Variants in ORC3 observed in about 807,000 individuals in gnomAD.
The protein encoded by ORC3 is homolog of latheo, Drosophila.
A neutral mutation model predicts 100.7 loss-of-function variants in ORC3; 78 were observed. The ratio of observed to expected loss-of-function variants is 0.77; its 90% CI spans 0.65 to 0.94. ORC3 has a LOEUF of 0.94. Ranked by LOEUF, ORC3 falls within the 40% of genes least tolerant of loss-of-function variation. The probability of loss-of-function intolerance (pLI) is 0.00; values close to 1 mark genes in which losing one functional copy is unlikely to be tolerated. For missense variants in ORC3, 789 were observed against 823.9 expected (o/e 0.96, Z 0.52); for synonymous variants, 295 against 289.3 (o/e 1.02, Z -0.20).
chr6:87,636,336 G>T, intron 12 of ORC3, 71 bp from the exon 13 acceptor site: 1 of 850,332 alleles, frequency 1.2e-6, no homozygotes, highest in Non-Finnish European at 2.0e-6. Context: ...GTGTTGACCA[G>T]AAATGATTTT....
intron 11 of ORC3, among the ~76,000 whole-genome samples, chr6:87,629,185 T>G (rs1780130927): frequency 1.3e-5 from 2 of 152,336 alleles, no homozygotes; most frequent in Middle Eastern, 3.4e-3. Context: ...GGCTTAGTTA[T>G]AACAAGATAA....
intron 5 of ORC3, among the ~76,000 whole-genome samples, chr6:87,606,388 G>C (rs1404172409): frequency 6.6e-6 from 1 of 152,072 alleles, no homozygotes; most frequent in Non-Finnish European, 1.5e-5. Context: ...TAGACCACAT[G>C]GGCTCATGTT....
At chr6:87,631,789 GC>G (rs1440160824) in intron 11 of ORC3, among the ~76,000 whole-genome samples, 2 of 152,136 alleles carry the variant, frequency 1.3e-5, no homozygotes, top group Non-Finnish European at 2.9e-5. Context: ...ACCCTGCCCG[GC>G]CCGAAAATTT....
chr6:87,607,056 T>A (rs1335141143), intron 5 of ORC3, among the ~76,000 whole-genome samples: 2 of 152,240 alleles, frequency 1.3e-5, no homozygotes, highest in African/African-American at 4.8e-5. Context: ...TTTATTTTCC[T>A]ATGTAATTTA....
intron 16 of ORC3, among the ~76,000 whole-genome samples, chr6:87,660,279 T>A (rs1770083234): frequency 6.6e-6 from 1 of 152,246 alleles, no homozygotes; most frequent in Non-Finnish European, 1.5e-5. Flanking sequence ...TAGGATTTAG[T>A]GTCTTTACCA....
intron 2 of ORC3, 95 bp from the exon 3 acceptor site, chr6:87,601,689 C>A: frequency 1.4e-6 from 1 of 691,384 alleles, no homozygotes; most frequent in Non-Finnish European, 2.5e-6. Context: ...AAAAAAATTT[C>A]ACTTCTGTCA....
chr6:87,621,951 T>C lies in ORC3; in HGVS notation c.1123T>C (p.Tyr375His). 1 of 1,600,922 alleles carries C rather than the reference T, an allele frequency of 6.2e-7. No individual in the cohort carries two copies. Among genetic ancestry groups the C allele is most frequent in the Non-Finnish European group, 8.5e-7 (1 of 1,169,976 alleles). Residue 375 changes from tyrosine (Y) to histidine (H), a missense_variant and splice_region_variant, in exon 11 of 20, where the codon TAC (tyrosine) becomes CAC (histidine). Transcript: ENST00000392844. ...TGTATGGAATGGTGAAAATTCTAGG[T>C]ACGTGGAAAAGCAAGCTTCAGAAAA... ...NIRRLPSFRR[Y>H]VEKQASEKQV...
chr6:87,656,043 C>G (rs935950212), intron 14 of ORC3, among the ~76,000 whole-genome samples: 1 of 152,128 alleles, frequency 6.6e-6, no homozygotes, highest in Admixed American at 6.5e-5. Context: ...AAAACCCAAC[C>G]TGCACTTGAA....
chr6:87,659,952 G>A (rs1458795379), intron 16 of ORC3, among the ~76,000 whole-genome samples: 2 of 151,118 alleles, frequency 1.3e-5, no homozygotes, highest in Non-Finnish European at 2.9e-5. Flanking sequence ...AGAACCCACA[G>A]AGTTAACCTT....
At chr6:87,629,003 C>T (rs999223727) in intron 11 of ORC3, among the ~76,000 whole-genome samples, 2 of 152,164 alleles carry the variant, frequency 1.3e-5, no homozygotes, top group African/African-American at 2.4e-5. Flanking sequence ...TTGATCTATA[C>T]TGCTGAGGTA....
chr6:87,635,449 A>G (rs1332651597), intron 12 of ORC3, among the ~76,000 whole-genome samples: 2 of 152,196 alleles, frequency 1.3e-5, no homozygotes, highest in South Asian at 2.1e-4. Context: ...GAGAAATTCT[A>G]TATTCCTAAA....
At chr6:87,591,415 A>G (rs1013838598) in intron 1 of ORC3, among the ~76,000 whole-genome samples, 2 of 152,236 alleles carry the variant, frequency 1.3e-5, no homozygotes, top group African/African-American at 4.8e-5. Context: ...TTTAAAGACT[A>G]CATCTCAAGG....
chr6:87,658,308 T>A (rs900849773), intron 16 of ORC3, among the ~76,000 whole-genome samples: 2 of 151,984 alleles, frequency 1.3e-5, no homozygotes, highest in African/African-American at 4.8e-5. Context: ...GTACAAAAAA[T>A]TAGCTGGGTG....
chr6:87,672,028 A>G (rs762462834), downstream of ORC3, among the ~76,000 whole-genome samples: 8 of 152,322 alleles, frequency 5.3e-5, no homozygotes, highest in Non-Finnish European at 8.8e-5. Flanking sequence ...CAACAAGACA[A>G]CAGGCCTAGT....
At chr6:87,606,699 C>CAGCTACATT (rs1683983679) in intron 5 of ORC3, among the ~76,000 whole-genome samples, 1 of 151,978 alleles carries the variant, frequency 6.6e-6, no homozygotes, top group African/African-American at 2.4e-5. Flanking sequence ...TCAGCTACAT[C>CAGCTACATT]AGCTACATTG....
intron 17 of ORC3, 113 bp from the exon 18 acceptor site, chr6:87,664,630 C>T: frequency 1.3e-6 from 1 of 786,938 alleles, no homozygotes; most frequent in South Asian, 1.6e-5. Flanking sequence ...ATAAGGGAAA[C>T]CAAGATTCCA....
chr6:87,647,039 G>C (rs1361704120), intron 13 of ORC3, among the ~76,000 whole-genome samples: 1 of 152,158 alleles, frequency 6.6e-6, no homozygotes, highest in Non-Finnish European at 1.5e-5. Flanking sequence ...TACCATCATA[G>C]TCTAAGTCAT....
intron 11 of ORC3, among the ~76,000 whole-genome samples, chr6:87,626,777 A>T (rs1451834599): frequency 7.8e-6 from 1 of 127,748 alleles, no homozygotes; most frequent in Non-Finnish European, 1.6e-5. Flanking sequence ...ACACAGCATG[A>T]CTCTGTCTCC....
chr6:87,602,605 A>C (rs75126680), intron 3 of ORC3, among the ~76,000 whole-genome samples: 4 of 152,112 alleles, frequency 2.6e-5, no homozygotes, highest in Non-Finnish European at 5.9e-5. Context: ...GCAAAGGCTC[A>C]TTCACGTATT....
Sources: gnomAD v4.1 joint callset for allele counts (sites outside exome capture counted in the v4.1 genomes callset) on GRCh38, gnomAD v4.1.1 for gene constraint, MANE v1.5 for transcripts, NCBI Gene and HGNC (gene_info 2026-07-23, HGNC 2026-07-21) for gene names.